Variants in PPP4R3A observed in about 807,000 individuals in gnomAD.
PPP4R3A encodes protein phosphatase 4 regulatory subunit 3A.
A neutral mutation model predicts 91.7 loss-of-function variants in PPP4R3A; 15 were observed. That is an observed-to-expected ratio of 0.16 (90% CI 0.11 to 0.25). The LOEUF (loss-of-function observed/expected upper bound fraction) is 0.25, where lower values mean the gene tolerates loss of function less well. Among genes scored for constraint, PPP4R3A ranks in the 10% least tolerant of loss-of-function variants. The probability of loss-of-function intolerance (pLI) is 1.00; values close to 1 mark genes in which losing one functional copy is unlikely to be tolerated. For missense variants in PPP4R3A, 623 were observed against 998.4 expected (o/e 0.62, Z 5.07); for synonymous variants, 377 against 348.7 (o/e 1.08, Z -0.91).
intron 7 of PPP4R3A, chr14:91,474,625 AT>A (rs11335272): frequency 0.43 from 62,771 of 145,638 alleles, 13,561 homozygotes; most frequent in African/African-American, 0.54. Flanking sequence ...TTCTCAAAGA[AT>A]TTTTTTTTTT....
chr14:91,498,775 G>A (rs1395864095), intron 1 of PPP4R3A, among the ~76,000 whole-genome samples: 2 of 151,884 alleles, frequency 1.3e-5, no homozygotes, highest in Admixed American at 6.6e-5. Flanking sequence ...TTAGCCAGGC[G>A]TGGTGGTGGG....
chr14:91,508,859 G>A (rs188907828), intron 1 of PPP4R3A, among the ~76,000 whole-genome samples: 1 of 152,290 alleles, frequency 6.6e-6, no homozygotes, highest in Non-Finnish European at 1.5e-5. Context: ...AACTTTGCAA[G>A]ATGTTTATAT....
At chr14:91,474,945 T>C (rs1451028205) in intron 7 of PPP4R3A, 3 of 152,208 alleles carry the variant, frequency 2.0e-5, no homozygotes, top group South Asian at 2.1e-4. Flanking sequence ...AGCAGTTACA[T>C]GGCATTCCAT....
At chr14:91,473,494 T>A in intron 7 of PPP4R3A, 124 bp from the exon 8 acceptor site, 1 of 1,008,488 alleles carries the variant, frequency 9.9e-7, no homozygotes, top group Non-Finnish European at 1.4e-6. Context: ...CAAAGTGAAA[T>A]GTTTAACTCA....
At chr14:91,473,436 G>A in intron 7 of PPP4R3A, 66 bp from the exon 8 acceptor site, 1 of 1,522,082 alleles carries the variant, frequency 6.6e-7, no homozygotes, top group Non-Finnish European at 8.9e-7. Context: ...CAAAAACTAA[G>A]ACACATACCA....
In PPP4R3A at chr14:91,457,788, A is replaced by G. The variant is rs902869993; in HGVS notation, c.*971T>C. 6.6e-6 allele frequency: 1 copy of G among 152,642 alleles called. No homozygotes were observed. 9.5% of individuals were successfully genotyped at this position (152,642 alleles called of 1,614,324 possible). The stretch of plus-strand genomic sequence containing the variant: ...CAAAACTGTTGAAGTTTTAAATTCC[A>G]TTCTATTTCCCTGAATTCTCAAGAC... On this transcript the variant is annotated 3_prime_UTR_variant, in exon 15 of 15. Coordinates refer to ENST00000554943, the MANE Select transcript of PPP4R3A (RefSeq NM_001366432.2).
At chr14:91,495,302 A>ATGTGTGTGTG (rs60663799) in intron 1 of PPP4R3A, among the ~76,000 whole-genome samples, 14,839 of 140,854 alleles carry the variant, frequency 0.11, 928 homozygotes, top group Middle Eastern at 0.21. Context: ...CAGATACATA[A>ATGTGTGTGTG]TGTGTGTGTG....
At chr14:91,489,071 C>T (rs1454761022) in intron 2 of PPP4R3A, among the ~76,000 whole-genome samples, 2 of 152,052 alleles carry the variant, frequency 1.3e-5, no homozygotes, top group Non-Finnish European at 2.9e-5. Flanking sequence ...CCACGCCCAG[C>T]TTATTTTTTG....
chr14:91,488,011 C>G (rs1272854345), intron 2 of PPP4R3A, among the ~76,000 whole-genome samples: 1 of 152,176 alleles, frequency 6.6e-6, no homozygotes, highest in Admixed American at 6.5e-5. Flanking sequence ...TAATGTAACA[C>G]AAATGGATTC....
At chr14:91,470,167 A>G (rs1228192717) in intron 10 of PPP4R3A, among the ~76,000 whole-genome samples, 2 of 152,150 alleles carry the variant, frequency 1.3e-5, no homozygotes, top group Non-Finnish European at 2.9e-5. Context: ...CTAACAACTT[A>G]CCAGTAAGGA....
intron 3 of PPP4R3A, among the ~76,000 whole-genome samples, chr14:91,484,892 A>C (rs1028296691): frequency 8.5e-5 from 13 of 152,234 alleles, no homozygotes; most frequent in Admixed American, 2.6e-4. Flanking sequence ...AGCACATACA[A>C]ATGCAAATTC....
At chr14:91,461,188 T>C (rs1043380500) in intron 14 of PPP4R3A, among the ~76,000 whole-genome samples, 193 bp downstream of exon 14, 49 of 150,592 alleles carry the variant, frequency 3.3e-4, no homozygotes, top group African/African-American at 1.2e-3. Context: ...CAGACTTGCA[T>C]TGGTCATAAA....
intron 1 of PPP4R3A, among the ~76,000 whole-genome samples, chr14:91,499,820 C>CAAAA (rs3993928): frequency 1.7e-5 from 2 of 120,434 alleles, no homozygotes; most frequent in Non-Finnish European, 3.4e-5. Context: ...GACTCCACCT[C>CAAAA]AAAAAAAAAA....
At chr14:91,463,001 G>C in intron 11 of PPP4R3A, 124 bp from the exon 12 acceptor site, 1 of 766,710 alleles carries the variant, frequency 1.3e-6, no homozygotes. Context: ...TAATCTTAGA[G>C]ATAACCAAAC....
At chr14:91,509,331 C>T (rs1891622326) in intron 1 of PPP4R3A, among the ~76,000 whole-genome samples, 175 bp downstream of exon 1, 1 of 152,228 alleles carries the variant, frequency 6.6e-6, no homozygotes, top group Non-Finnish European at 1.5e-5. Context: ...TTCAAGCGCT[C>T]TCCGGGGAGC....
intron 1 of PPP4R3A, among the ~76,000 whole-genome samples, chr14:91,504,545 T>A (rs1595092605): frequency 6.7e-6 from 1 of 150,304 alleles, no homozygotes; most frequent in Non-Finnish European, 1.5e-5. Flanking sequence ...GAGGTTGCAG[T>A]GAGCCGAGAT....
intron 2 of PPP4R3A, among the ~76,000 whole-genome samples, chr14:91,487,414 C>T (rs1889965691): frequency 6.6e-6 from 1 of 151,734 alleles, no homozygotes; most frequent in Non-Finnish European, 1.5e-5. Flanking sequence ...GGGAGAGTTA[C>T]ATTTAATGGC....
chr14:91,490,884 A>C, intron 1 of PPP4R3A, 82 bp from the exon 2 acceptor site: 1 of 577,866 alleles, frequency 1.7e-6, no homozygotes, highest in Admixed American at 5.2e-5. Context: ...ATATTTCCTT[A>C]AAAAAAATAA....
At chr14:91,459,313 C>T (rs959711268) in intron 14 of PPP4R3A, among the ~76,000 whole-genome samples, 9 of 152,000 alleles carry the variant, frequency 5.9e-5, no homozygotes, top group African/African-American at 2.2e-4. Context: ...GTCATGTTGG[C>T]CAGCCTGGTC....
Sources: gnomAD v4.1 joint callset for allele counts (sites outside exome capture counted in the v4.1 genomes callset) on GRCh38, gnomAD v4.1.1 for gene constraint, MANE v1.5 for transcripts, NCBI Gene and HGNC (gene_info 2026-07-23, HGNC 2026-07-21) for gene names.